Variants in RHBDL2 observed in about 807,000 individuals in gnomAD.
The protein encoded by RHBDL2 is rhomboid like 2.
RHBDL2 carries 26 observed loss-of-function variants against 31.7 expected under a neutral mutation model. The ratio of observed to expected loss-of-function variants is 0.82; its 90% CI spans 0.60 to 1.14. The LOEUF is 1.14. Among genes scored for constraint, RHBDL2 ranks in the 50% most tolerant of loss-of-function variants. The pLI is 0.00. For synonymous variants in RHBDL2, 123 were observed against 127.2 expected (o/e 0.97, Z 0.22); for missense variants, 336 against 364.4 (o/e 0.92, Z 0.63).
At chr1:38,896,182 C>A in intron 4 of RHBDL2, 113 bp from the exon 5 acceptor site, 1 of 739,808 alleles carries the variant, frequency 1.4e-6, no homozygotes, top group East Asian at 2.8e-5. Context: ...CATTAGCAAG[C>A]AACAAATCTA....
chr1:38,940,301 G>A (rs1389270841), intron 1 of RHBDL2, among the ~76,000 whole-genome samples: 1 of 152,090 alleles, frequency 6.6e-6, no homozygotes, highest in African/African-American at 2.4e-5. Flanking sequence ...ACTCAGCCCT[G>A]GTCCAGTATT....
chr1:38,886,780 G>A, intron 7 of RHBDL2, 97 bp from the exon 8 acceptor site: 1 of 1,014,218 alleles, frequency 9.9e-7, no homozygotes, highest in Non-Finnish European at 1.4e-6. Flanking sequence ...TACCGTCACA[G>A]TTAAACAAGA....
Position 38,904,558 on chromosome 1 carries a change from A to G in RHBDL2, c.508+6764T>C, listed in dbSNP as rs376222877. On this transcript the variant is annotated intron_variant, in intron 4 of 7. Transcript: ENST00000372990. ...GAAAATGTATAAAAGGCCAGGCATC[A>G]TGGCACACACCTGTAATCCTAGCAT... Among the ~76,000 whole-genome samples the G allele has an allele frequency of 9.2e-5, 14 of 151,842 alleles. 1 individual carries two copies. The highest frequency in any genetic ancestry group is 2.6e-4 in the Admixed American group (4 of 15,232).
At chr1:38,887,698 C>T (rs1001772658) in intron 7 of RHBDL2, among the ~76,000 whole-genome samples, 1 of 152,148 alleles carries the variant, frequency 6.6e-6, no homozygotes, top group Non-Finnish European at 1.5e-5. Context: ...GCTGGGATTA[C>T]AGGCATGAGC....
intron 4 of RHBDL2, among the ~76,000 whole-genome samples, chr1:38,899,533 C>T (rs781165389): frequency 5.3e-5 from 8 of 152,226 alleles, no homozygotes; most frequent in Non-Finnish European, 1.2e-4. Context: ...GACCCCTGAA[C>T]TCCTAACTGG....
intron 4 of RHBDL2, among the ~76,000 whole-genome samples, chr1:38,896,698 A>C (rs998741518): frequency 2.0e-5 from 3 of 152,204 alleles, no homozygotes; most frequent in Non-Finnish European, 4.4e-5. Context: ...CATACGATCC[A>C]ATCAGATTCC....
chr1:38,902,601 T>C (rs1643007344), intron 4 of RHBDL2, among the ~76,000 whole-genome samples: 1 of 151,968 alleles, frequency 6.6e-6, no homozygotes, highest in African/African-American at 2.4e-5. Context: ...TTTGTATTTT[T>C]AATAGAGACG....
intron 1 of RHBDL2, among the ~76,000 whole-genome samples, chr1:38,921,158 C>G (rs1643309937): frequency 1.3e-5 from 2 of 152,116 alleles, no homozygotes; most frequent in African/African-American, 2.4e-5. Flanking sequence ...CCTGTAATCC[C>G]ATCACTTGAG....
At chr1:38,912,849 T>C (rs936451025) in intron 3 of RHBDL2, among the ~76,000 whole-genome samples, 2 of 145,304 alleles carry the variant, frequency 1.4e-5, no homozygotes, top group Non-Finnish European at 3.0e-5. Context: ...CTGAGGAAAC[T>C]AAAGGACAAG....
At chr1:38,907,408 T>A (rs1643081592) in intron 4 of RHBDL2, among the ~76,000 whole-genome samples, 1 of 152,032 alleles carries the variant, frequency 6.6e-6, no homozygotes, top group South Asian at 2.1e-4. Context: ...GGCATGGTGG[T>A]GGGCGCCTGT....
chr1:38,915,315 G>A (rs1289453871), intron 3 of RHBDL2, among the ~76,000 whole-genome samples: 1 of 151,560 alleles, frequency 6.6e-6, no homozygotes, highest in Non-Finnish European at 1.5e-5. Context: ...AGTAGAGATG[G>A]GGTTTCACTA....
In RHBDL2 at chr1:38,918,096, T is replaced by C. The variant is rs565872708; in HGVS notation, c.246+871A>G. Among the ~76,000 whole-genome samples, 105 of 152,338 alleles carry C rather than the reference T, an allele frequency of 6.9e-4. 1 individual carries two copies. Among genetic ancestry groups the C allele is most frequent in the Admixed American group, 3.6e-3 (55 of 15,300 alleles). Reference sequence around the variant, plus strand: ...GCCTGCCAGCCTTCCCTGAAGATTTTGGACTTGCCAAGTCTCCATAATCAT... The same window carrying C: ...GCCTGCCAGCCTTCCCTGAAGATTTCGGACTTGCCAAGTCTCCATAATCAT... On this transcript the variant is annotated intron_variant, in intron 2 of 7. Transcript: ENST00000372990.
chr1:38,892,953 A>G (rs1197534334), intron 6 of RHBDL2, among the ~76,000 whole-genome samples: 3 of 152,220 alleles, frequency 2.0e-5, no homozygotes, highest in Admixed American at 6.5e-5. Context: ...TCTAGTGCCA[A>G]TGAGCTTTCT....
At chr1:38,916,850 C>T (rs1297442224) in intron 2 of RHBDL2, among the ~76,000 whole-genome samples, 8 of 115,432 alleles carry the variant, frequency 6.9e-5, no homozygotes, top group African/African-American at 2.0e-4. Flanking sequence ...CCAGCCTGGG[C>T]GACAGAGCGA....
At chr1:38,923,598 G>A (rs912789422) in intron 1 of RHBDL2, among the ~76,000 whole-genome samples, 5 of 152,174 alleles carry the variant, frequency 3.3e-5, no homozygotes, top group South Asian at 2.1e-4. Flanking sequence ...AGAAACACAC[G>A]TCAGATTACC....
In RHBDL2 at chr1:38,886,090, A is replaced by G. The variant is rs556088370; in HGVS notation, c.*414T>C. 6.6e-6 allele frequency: 1 copy of G among 152,580 alleles called. No individual in the cohort carries two copies. Among genetic ancestry groups the G allele is most frequent in the Admixed American group, 6.5e-5 (1 of 15,304 alleles). The allele number at this position is 152,580 out of a possible 1,614,324, so 9.5% of individuals were successfully genotyped here. A position where few individuals can be genotyped will look rare whatever the true frequency, so the allele number is the denominator to read the frequency against. ...CTCAGCCTCGCAAGTAGCTGGGACT[A>G]CAGGCACACGCCACCACGCCCGGCT... On this transcript the variant is annotated 3_prime_UTR_variant, in exon 8 of 8. Coordinates refer to ENST00000372990, the MANE Select transcript of RHBDL2 (RefSeq NM_017821.5).
At chr1:38,932,326 C>G (rs1316246377) in intron 1 of RHBDL2, among the ~76,000 whole-genome samples, 1 of 152,174 alleles carries the variant, frequency 6.6e-6, no homozygotes, top group East Asian at 1.9e-4. Flanking sequence ...CCTACCAGCC[C>G]AGCTCATCCA....
intron 1 of RHBDL2, 77 bp downstream of exon 1, chr1:38,941,605 G>T (rs953755735): frequency 6.6e-6 from 1 of 152,444 alleles, no homozygotes; most frequent in African/African-American, 2.4e-5. Flanking sequence ...AGCACCCCTC[G>T]GCCCTGCACT....
intron 1 of RHBDL2, among the ~76,000 whole-genome samples, chr1:38,932,519 G>A (rs1013935116): frequency 1.3e-5 from 2 of 152,194 alleles, no homozygotes; most frequent in Admixed American, 1.3e-4. Flanking sequence ...GAGTGCAGTG[G>A]TACGAACTCA....
Sources: gnomAD v4.1 joint callset for allele counts (sites outside exome capture counted in the v4.1 genomes callset) on GRCh38, gnomAD v4.1.1 for gene constraint, MANE v1.5 for transcripts, NCBI Gene and HGNC (gene_info 2026-07-23, HGNC 2026-07-21) for gene names.